The following PEX5L variants were observed in gnomAD, a reference collection of about 807,000 sequenced individuals.
PEX5L encodes PEX5-related protein.
Under a neutral mutation model 84.0 loss-of-function variants are expected in PEX5L, and 30 were observed. That is an observed-to-expected ratio of 0.36 (90% confidence interval 0.27 to 0.48). The LOEUF is 0.48. Ranked by LOEUF, PEX5L falls within the 20% of genes least tolerant of loss-of-function variation. The pLI is 0.99. For synonymous variants in PEX5L, 270 were observed against 283.1 expected (o/e 0.95, Z 0.46); for missense variants, 533 against 754.6 (o/e 0.71, Z 3.44).
At chr3:179,822,173 C>T (rs1728751542) in intron 8 of PEX5L, among the ~76,000 whole-genome samples, 1 of 152,156 alleles carries the variant, frequency 6.6e-6, no homozygotes, top group Admixed American at 6.5e-5. Flanking sequence ...CCCAGACTCC[C>T]ATTGGGTGAT....
intron 2 of PEX5L, among the ~76,000 whole-genome samples, chr3:179,958,975 C>T (rs1395164208): frequency 1.3e-5 from 2 of 151,646 alleles, no homozygotes; most frequent in African/African-American, 2.4e-5. Context: ...TACAGTGAGC[C>T]GAGATCGCGC....
At chr3:179,871,360 C>T (rs11718907) in intron 7 of PEX5L, among the ~76,000 whole-genome samples, 41,012 of 152,008 alleles carry the variant, frequency 0.27, 6,026 homozygotes, top group Non-Finnish European at 0.33. Context: ...ACCTTGGCCT[C>T]CCAGAATGCT....
rs78067127 is a variant in PEX5L, at chr3:179,919,645, T to C, written c.94-21399A>G. On this transcript the variant is annotated intron_variant, in intron 2 of 14. Transcript: ENST00000467460. ...ATGATCTGGACATACAAGCAGGCAC[T>C]TCCACACTCAACTCTATCTTTGTGG... Among the ~76,000 whole-genome samples, 4 of 152,300 alleles carry C rather than the reference T, an allele frequency of 2.6e-5. No individual in the cohort carries two copies. In the East Asian group the frequency reaches 5.8e-4, roughly 22 times the overall value.
chr3:179,858,268 C>T (rs1196892059), intron 8 of PEX5L, among the ~76,000 whole-genome samples: 2 of 152,078 alleles, frequency 1.3e-5, no homozygotes, highest in African/African-American at 4.8e-5. Context: ...TGAAAAGCTC[C>T]ACACTCAAAT....
intron 2 of PEX5L, among the ~76,000 whole-genome samples, chr3:179,926,350 T>C (rs887130118): frequency 7.9e-5 from 12 of 152,182 alleles, no homozygotes; most frequent in African/African-American, 2.9e-4. Context: ...TTCTCATTCA[T>C]CCTGGAGTCA....
intron 8 of PEX5L, among the ~76,000 whole-genome samples, chr3:179,823,214 T>C (rs1356153753): frequency 6.6e-6 from 1 of 152,222 alleles, no homozygotes; most frequent in East Asian, 1.9e-4. Flanking sequence ...CATATTCTTC[T>C]TCTAGACATC....
At chr3:180,029,948 C>T (rs1333630126) in intron 1 of PEX5L, among the ~76,000 whole-genome samples, 5 of 152,296 alleles carry the variant, frequency 3.3e-5, no homozygotes, top group Middle Eastern at 3.4e-3. Flanking sequence ...TGCTTTGCAG[C>T]TCTAGCAGGT....
rs568309652 is a variant in PEX5L, at chr3:179,809,697, A to T, written c.1155-29T>A. The T allele has an allele frequency of 1.0e-5, 15 of 1,490,408 alleles. No individual in the cohort carries two copies. The African/African-American group carries it at 1.7e-4, about 17-fold the overall frequency. 92.3% of individuals were successfully genotyped at this position (1,490,408 alleles called of 1,614,324 possible). The stretch of plus-strand genomic sequence containing the variant: ...AAAAAAAAAAAGAAGCCAATTTCAG[A>T]TTTTTTTTTGAGCCACAATCTAACA... On this transcript the variant is annotated intron_variant, in intron 11 of 14. Coordinates refer to ENST00000467460, the MANE Select transcript of PEX5L (RefSeq NM_016559.3).
chr3:179,912,051 G>T (rs1421965782), intron 2 of PEX5L, among the ~76,000 whole-genome samples: 1 of 152,052 alleles, frequency 6.6e-6, no homozygotes, highest in Non-Finnish European at 1.5e-5. Context: ...AGAACACTTT[G>T]GTGGACTGTT....
At chr3:179,930,095 C>T (rs1488576935) in intron 2 of PEX5L, among the ~76,000 whole-genome samples, 2 of 152,068 alleles carry the variant, frequency 1.3e-5, no homozygotes, top group African/African-American at 4.8e-5. Context: ...ATTCTTCGGC[C>T]CCACTCAAAC....
intron 1 of PEX5L, among the ~76,000 whole-genome samples, chr3:180,020,819 C>G (rs1376634568): frequency 2.0e-5 from 3 of 152,122 alleles, no homozygotes; most frequent in Non-Finnish European, 4.4e-5. Context: ...TTAATCTATA[C>G]TAGTCTATGG....
At position 179,800,492 on chromosome 3, in the gene PEX5L, T is replaced by A. The variant is rs1046522147; in HGVS notation, c.*1336A>T. On this transcript the variant is annotated 3_prime_UTR_variant, in exon 15 of 15. Transcript: ENST00000467460. ...TGTTCCTAATTCTTTAAAAAATGTA[T>A]CTTTCAAAATAATCACCAAGCCCCA... The A allele has an allele frequency of 6.6e-6, 1 of 152,198 alleles. No homozygotes were observed. The highest frequency in any genetic ancestry group is 1.5e-5 in the Non-Finnish European group (1 of 68,030). The allele number at this position is 152,198 out of a possible 1,614,324, so 9.4% of individuals were successfully genotyped here. A position where few individuals can be genotyped will look rare whatever the true frequency, so the allele number is the denominator to read the frequency against.
At chr3:179,861,828 CA>C (rs11317919) in intron 7 of PEX5L, among the ~76,000 whole-genome samples, 75,325 of 151,994 alleles carry the variant, frequency 0.5, 19,092 homozygotes, top group East Asian at 0.74. Context: ...TTTGCAAAAG[CA>C]AAAGAACTTG....
At chr3:180,010,814 T>C (rs528568284) in intron 1 of PEX5L, among the ~76,000 whole-genome samples, 1 of 152,092 alleles carries the variant, frequency 6.6e-6, no homozygotes, top group Non-Finnish European at 1.5e-5. Context: ...TTTTCTTGTA[T>C]ATATTTTGTG....
chr3:179,801,960 A>T lies in PEX5L; in HGVS notation c.1749T>A (p.His583Gln). The change falls in exon 15 of 15, where the codon CAT becomes CAA. Residue 583 changes from histidine to glutamine, a missense_variant. By Grantham distance (24) the His-to-Gln change is conservative (BLOSUM62 0). Around this residue, in one of 8 missense-constraint regions of PEX5L, gnomAD observed 105 missense variants for 204.6 expected, o/e 0.51. Transcript: ENST00000467460. ...RKSRNQQQVPHPAISGNIWAA... is the reference protein window; with the variant it reads ...RKSRNQQQVPQPAISGNIWAA... ...CCCAGATATTCCCAGAGATTGCAGG[A>T]TGAGGAACTTGCTGCTGATTCCTGC... 6.2e-7 allele frequency: 1 copy of T among 1,613,984 alleles called. No individual in the cohort carries two copies. Among genetic ancestry groups the T allele is most frequent in the South Asian group, 1.1e-5 (1 of 91,074 alleles).
chr3:179,920,167 A>G (rs922962403), intron 2 of PEX5L, among the ~76,000 whole-genome samples: 1 of 152,218 alleles, frequency 6.6e-6, no homozygotes, highest in Non-Finnish European at 1.5e-5. Context: ...TGGAGTGGAA[A>G]GAGGGAGCCT....
At chr3:179,873,300 ATTAT>A (rs1751001477) in intron 7 of PEX5L, among the ~76,000 whole-genome samples, 1 of 152,118 alleles carries the variant, frequency 6.6e-6, no homozygotes, top group African/African-American at 2.4e-5. Flanking sequence ...TATTATTATA[ATTAT>A]TTGTTTATTT....
At chr3:179,961,357 T>C (rs1476595686) in intron 2 of PEX5L, among the ~76,000 whole-genome samples, 3 of 77,334 alleles carry the variant, frequency 3.9e-5, no homozygotes, top group Non-Finnish European at 7.4e-5. Context: ...AAGAAAGCAA[T>C]GGAGCATAAA....
intron 1 of PEX5L, among the ~76,000 whole-genome samples, chr3:179,999,826 T>C (rs1004341086): frequency 1.3e-5 from 2 of 152,198 alleles, no homozygotes; most frequent in African/African-American, 4.8e-5. Flanking sequence ...TCTTATCATG[T>C]TCCCCATCAT....
Sources: gnomAD v4.1 joint callset for allele counts (sites outside exome capture counted in the v4.1 genomes callset) on GRCh38, gnomAD v4.1.1 for gene constraint, gnomAD v4.1.1 regional missense constraint, MANE v1.5 for transcripts, NCBI Gene and HGNC (gene_info 2026-07-23, HGNC 2026-07-21) for gene names.